DCDC1: variants seen among roughly 807,000 people sequenced by gnomAD.
DCDC1 encodes doublecortin domain-containing protein 1.
Under a neutral mutation model 178.3 loss-of-function variants are expected in DCDC1, and 200 were observed. The ratio of observed to expected loss-of-function variants is 1.12; its 90% CI spans 1.00 to 1.26. The LOEUF (loss-of-function observed/expected upper bound fraction) is 1.26. Ranked by LOEUF, DCDC1 falls within the 50% of genes most tolerant of loss-of-function variation. DCDC1 has a pLI of 0.00. For synonymous variants in DCDC1, 690 were observed against 604.8 expected (o/e 1.14, Z -2.07); for missense variants, 1,983 against 1,749.2 (o/e 1.13, Z -2.38).
chr11:31,288,821 C>G (rs1462150174), intron 7 of DCDC1, among the ~76,000 whole-genome samples: 2 of 151,802 alleles, frequency 1.3e-5, no homozygotes, highest in Non-Finnish European at 2.9e-5. Context: ...ACAACACTTT[C>G]AAAATTTAAA....
intron 3 of DCDC1, chr11:31,314,314 T>C (rs1179492262): frequency 6.6e-6 from 1 of 152,180 alleles, no homozygotes; most frequent in Admixed American, 6.6e-5. Context: ...TAAGTACACT[T>C]CCTTTAAAAA....
Position 31,106,915 on chromosome 11 carries a change from G to T in DCDC1, c.1633C>A (p.Pro545Thr), listed in dbSNP as rs566810543. ...ATTGAAGAATAATTGAGGCCTGGTG[G>T]GTTGATGGAAGAACCTTGAAGCCTT... ...HQRLQGSSINPPGLNYSSMRL... is the reference protein window; with the variant it reads ...HQRLQGSSINTPGLNYSSMRL... The change falls in exon 13 of 39, where the codon CCA (proline) becomes ACA (threonine). Residue 545 changes from proline (P) to threonine (T), a missense_variant. Pro to Thr is a conservative substitution (Grantham distance 38). Transcript: ENST00000684477. 2.6e-6 allele frequency: 2 copies of T among 766,038 alleles called. No homozygotes were observed. The highest frequency in any genetic ancestry group is 1.7e-5 in the African/African-American group (1 of 59,232). The allele number at this position is 766,038 out of a possible 1,614,324, so 47.5% of individuals were successfully genotyped here. A position where few individuals can be genotyped will look rare whatever the true frequency, so the allele number is the denominator to read the frequency against.
chr11:31,220,111 C>A (rs1974075350), intron 9 of DCDC1, among the ~76,000 whole-genome samples: 1 of 152,250 alleles, frequency 6.6e-6, no homozygotes, highest in South Asian at 2.1e-4. Context: ...TCTAGGAAGT[C>A]CATGTCAAAA....
At position 30,908,993 on chromosome 11, in the gene DCDC1, C is replaced by T; in HGVS notation, c.3871G>A (p.Gly1291Ser). The change falls in exon 29 of 39, where the codon GGT (glycine) becomes AGT (serine). Residue 1291 changes from glycine (G) to serine (S), a missense_variant. Coordinates refer to ENST00000684477, the MANE Select transcript of DCDC1 (RefSeq NM_001387274.1). The part of the protein sequence containing the change: ...DKEITSANYA[G>S]VCTSSVIKEE... ...TTAATCACAGATGATGTACAGACAC[C>T]AGCATAATTTGCTGATGTAATTTCC... is the stretch of plus-strand genomic sequence containing the variant. The T allele has an allele frequency of 9.3e-6, 15 of 1,609,792 alleles. No homozygotes were observed. Among genetic ancestry groups the T allele is most frequent in the Non-Finnish European group, 1.3e-5 (15 of 1,177,378 alleles).
chr11:30,923,379 G>A (rs373323262), intron 23 of DCDC1, among the ~76,000 whole-genome samples: 1 of 146,766 alleles, frequency 6.8e-6, no homozygotes, highest in Non-Finnish European at 1.5e-5. Context: ...ACAAGATTAT[G>A]GATAATACTT....
At chr11:31,124,573 T>C (rs1961319789) in intron 11 of DCDC1, among the ~76,000 whole-genome samples, 1 of 152,090 alleles carries the variant, frequency 6.6e-6, no homozygotes, top group South Asian at 2.1e-4. Context: ...ATGGTACTGG[T>C]ACAAGAACAG....
At chr11:30,893,846 C>T (rs1205958897) in intron 35 of DCDC1, among the ~76,000 whole-genome samples, 1 of 152,156 alleles carries the variant, frequency 6.6e-6, no homozygotes, top group Non-Finnish European at 1.5e-5. Context: ...TTCTTTAATT[C>T]TTCACTTCTG....
intron 9 of DCDC1, among the ~76,000 whole-genome samples, chr11:31,213,103 C>G (rs1370222590): frequency 0.019 from 294 of 15,500 alleles, no homozygotes; most frequent in African/African-American, 0.044. Context: ...AGCCCAGCCT[C>G]TCTCTCTCTC....
intron 20 of DCDC1, among the ~76,000 whole-genome samples, chr11:31,005,930 C>A (rs1951814026): frequency 7.6e-6 from 1 of 130,784 alleles, no homozygotes; most frequent in Non-Finnish European, 1.6e-5. Flanking sequence ...TGCCTTCCAA[C>A]AGGCATATAG....
At chr11:30,915,908 T>G (rs1254521878) in intron 26 of DCDC1, among the ~76,000 whole-genome samples, 197 bp from the exon 27 acceptor site, 3 of 152,208 alleles carry the variant, frequency 2.0e-5, no homozygotes, top group Non-Finnish European at 4.4e-5. Flanking sequence ...AGAAGTAGAA[T>G]TCTGAGCTTA....
intron 2 of DCDC1, among the ~76,000 whole-genome samples, chr11:31,332,100 A>G (rs888647478): frequency 6.6e-6 from 1 of 152,136 alleles, no homozygotes; most frequent in African/African-American, 2.4e-5. Flanking sequence ...TTCCTGGTTT[A>G]GTCTTGGGAG....
intron 20 of DCDC1, among the ~76,000 whole-genome samples, chr11:31,044,547 G>C (rs1954699448): frequency 6.6e-6 from 1 of 151,688 alleles, no homozygotes; most frequent in Admixed American, 6.6e-5. Flanking sequence ...GATGGAAGGG[G>C]CTGTGTGCCA....
chr11:31,117,988 T>C (rs1960224423), intron 11 of DCDC1, among the ~76,000 whole-genome samples: 1 of 152,116 alleles, frequency 6.6e-6, no homozygotes, highest in Non-Finnish European at 1.5e-5. Flanking sequence ...ATGTATTTTG[T>C]AAAAAGAGCT....
At chr11:31,225,629 T>C (rs1974842335) in intron 9 of DCDC1, among the ~76,000 whole-genome samples, 1 of 149,744 alleles carries the variant, frequency 6.7e-6, no homozygotes, top group African/African-American at 2.4e-5. Flanking sequence ...ATATATAATA[T>C]AAAATATGAC....
intron 18 of DCDC1, among the ~76,000 whole-genome samples, chr11:31,070,643 AAGATTGAG>A (rs1336007462): frequency 6.6e-6 from 1 of 152,158 alleles, no homozygotes; most frequent in Non-Finnish European, 1.5e-5. Context: ...TTTCCCACTA[AAGATTGAG>A]TAAGAACATG....
intron 9 of DCDC1, among the ~76,000 whole-genome samples, chr11:31,213,469 C>T (rs1184627468): frequency 6.6e-6 from 1 of 151,932 alleles, no homozygotes; most frequent in Non-Finnish European, 1.5e-5. Flanking sequence ...TGTCTGTAAT[C>T]CCAGCACTTT....
intron 6 of DCDC1, among the ~76,000 whole-genome samples, 194 bp downstream of exon 6, chr11:31,305,421 A>C (rs963326135): frequency 6.6e-6 from 1 of 152,212 alleles, no homozygotes; most frequent in East Asian, 1.9e-4. Context: ...ACCAATGCTA[A>C]TGAAGGGCAA....
At chr11:30,948,523 C>A (rs1312127274) in intron 21 of DCDC1, among the ~76,000 whole-genome samples, 2 of 152,070 alleles carry the variant, frequency 1.3e-5, no homozygotes, top group East Asian at 1.9e-4. Flanking sequence ...TCATATGGAA[C>A]CAAAAAAGAG....
At chr11:31,065,836 C>G (rs1956220427) in intron 18 of DCDC1, among the ~76,000 whole-genome samples, 1 of 152,176 alleles carries the variant, frequency 6.6e-6, no homozygotes, top group Non-Finnish European at 1.5e-5. Context: ...AAATCTGTCA[C>G]TGCTCATCAG....
Sources: allele counts gnomAD v4.1 joint callset (sites outside exome capture counted in the v4.1 genomes callset), GRCh38; gene constraint gnomAD v4.1.1; transcripts MANE v1.5; gene names NCBI Gene and HGNC (gene_info 2026-07-23, HGNC 2026-07-21).